SLC2A13: variants seen among roughly 807,000 people sequenced by gnomAD.
SLC2A13 encodes proton myo-inositol cotransporter.
In SLC2A13, 32 loss-of-function variants were observed where a neutral mutation model predicts 64.4. The observed-to-expected ratio is 0.50, with a 90% confidence interval of 0.37 to 0.67. The LOEUF (loss-of-function observed/expected upper bound fraction) is 0.67. Among genes scored for constraint, SLC2A13 ranks in the 30% least tolerant of loss-of-function variants. SLC2A13 has a pLI of 0.00. For synonymous variants in SLC2A13, 338 were observed against 327.1 expected (o/e 1.03, Z -0.36); for missense variants, 743 against 829.2 (o/e 0.90, Z 1.28).
rs953971363 is a variant in SLC2A13, at chr12:40,105,780, T to G, written c.29A>C (p.Glu10Ala). Residue 10 changes from glutamate to alanine, a missense_variant, in exon 1 of 10, where the codon GAG (glutamate) becomes GCG (alanine). Physicochemically the swap from Glu to Ala is moderately radical, Grantham distance 107. Transcript: ENST00000280871. This position sits in a 1 kb window ranked among gnomAD's most constrained non-coding sequence, Gnocchi z 4.2. ...GCTGCTCAGGCTCCGCAGCGTGTAC[T>G]CCACATTCTCGCTTGCCTTGCGGGA... MSRKASENVEYTLRSLSSLM... is the reference protein window; with the variant it reads MSRKASENVAYTLRSLSSLM... 5.4e-6 allele frequency: 8 copies of G among 1,487,122 alleles called. No individual in the cohort carries two copies. The highest frequency in any genetic ancestry group is 7.1e-6 in the Non-Finnish European group (8 of 1,118,888). The allele number at this position is 1,487,122 out of a possible 1,614,324, so 92.1% of individuals were successfully genotyped here. A position where few individuals can be genotyped will look rare whatever the true frequency, so the allele number is the denominator to read the frequency against.
intron 2 of SLC2A13, among the ~76,000 whole-genome samples, chr12:40,034,341 G>A (rs1947946547): frequency 6.6e-6 from 1 of 152,064 alleles, no homozygotes; most frequent in South Asian, 2.1e-4. Context: ...ACTTCATGTT[G>A]TCAAAACTGT....
intron 4 of SLC2A13, among the ~76,000 whole-genome samples, chr12:39,940,266 A>G (rs940817220): frequency 1.3e-5 from 2 of 151,998 alleles, no homozygotes; most frequent in Non-Finnish European, 2.9e-5. Flanking sequence ...AGAGAGTAAA[A>G]CCCCATTCCT....
intron 7 of SLC2A13, among the ~76,000 whole-genome samples, chr12:39,778,407 GA>G (rs1304411370): frequency 2.0e-5 from 3 of 152,090 alleles, no homozygotes; most frequent in Non-Finnish European, 2.9e-5. Flanking sequence ...CTTCCTGGGG[GA>G]AAGTGTCTCA....
rs1939951617 is a variant in SLC2A13 at position 39,755,586 on chromosome 12, G to GA, written c.*4439dup. The GA allele has an allele frequency of 6.6e-6, 1 of 151,978 alleles. No individual in the cohort carries two copies. Among genetic ancestry groups the GA allele is most frequent in the Non-Finnish European group, 1.5e-5 (1 of 67,860 alleles). 9.4% of individuals were successfully genotyped at this position (151,978 alleles called of 1,614,324 possible). ...TCTTTTTTAACCTTTAAATGAGATG[G>GA]AATAATGTTGTTTGCTAAAACTTTA... On this transcript the variant is annotated 3_prime_UTR_variant, in exon 10 of 10. Transcript: ENST00000280871.
intron 3 of SLC2A13, among the ~76,000 whole-genome samples, chr12:40,005,795 C>T (rs550007693): frequency 1.1e-4 from 16 of 152,294 alleles, no homozygotes; most frequent in African/African-American, 3.8e-4. Flanking sequence ...TGAGCAATCA[C>T]AGATTTTGGT....
Position 39,759,082 on chromosome 12 carries a change from A to G in SLC2A13, c.*944T>C, listed in dbSNP as rs769313985. 6.6e-6 allele frequency: 1 copy of G among 152,502 alleles called. No individual in the cohort carries two copies. The highest frequency in any genetic ancestry group is 1.5e-5 in the Non-Finnish European group (1 of 67,898). The allele number at this position is 152,502 out of a possible 1,614,324, so 9.4% of individuals were successfully genotyped here. A position where few individuals can be genotyped will look rare whatever the true frequency, so the allele number is the denominator to read the frequency against. On this transcript the variant is annotated 3_prime_UTR_variant, in exon 10 of 10. Transcript: ENST00000280871. ...TGGTTTGCTTGCAGCTATGTATGTA[A>G]CACAAATGAAGGCACGAAATAGTAG...
chr12:39,984,714 C>T (rs1320708926), intron 3 of SLC2A13, among the ~76,000 whole-genome samples: 1 of 152,140 alleles, frequency 6.6e-6, no homozygotes, highest in Non-Finnish European at 1.5e-5. Flanking sequence ...CAGTTTCTCT[C>T]AGTTAATTTT....
Position 39,859,917 on chromosome 12 carries a change from C to T in SLC2A13, c.1319+4845G>A, listed in dbSNP as rs1592214093. 2.6e-5 allele frequency among the ~76,000 whole-genome samples: 4 copies of T among 152,256 alleles called. No individual in the cohort carries two copies. The South Asian group carries it at 8.3e-4, about 32-fold the overall frequency. ...TACTCAAGCAGAGTCTAAAATATAG[C>T]AAGATCTGTATCAAAGAGGTAATAT... On this transcript the variant is annotated intron_variant, in intron 6 of 9. Coordinates refer to ENST00000280871, the MANE Select transcript of SLC2A13 (RefSeq NM_052885.4).
intron 4 of SLC2A13, among the ~76,000 whole-genome samples, chr12:39,924,509 A>T (rs916182792): frequency 1.3e-5 from 2 of 151,968 alleles, no homozygotes; most frequent in African/African-American, 4.8e-5. Flanking sequence ...TTTTGAGGAC[A>T]GTGATAAGAC....
At chr12:39,995,069 C>T (rs1187326475) in intron 3 of SLC2A13, among the ~76,000 whole-genome samples, 2 of 152,076 alleles carry the variant, frequency 1.3e-5, no homozygotes, top group African/African-American at 4.8e-5. Flanking sequence ...CTGAGTTAAC[C>T]AGTATGAGAA....
chr12:39,937,890 G>T (rs1945943234), intron 4 of SLC2A13, among the ~76,000 whole-genome samples: 1 of 152,114 alleles, frequency 6.6e-6, no homozygotes, highest in Non-Finnish European at 1.5e-5. Context: ...AAGATGAAAA[G>T]AACATATCTA....
intron 6 of SLC2A13, among the ~76,000 whole-genome samples, chr12:39,862,094 C>T (rs1258352618): frequency 6.6e-6 from 1 of 152,156 alleles, no homozygotes; most frequent in Non-Finnish European, 1.5e-5. Context: ...TCCCTATGTT[C>T]TCATTGTTCT....
At chr12:39,777,469 G>A (rs1243549585) in intron 7 of SLC2A13, among the ~76,000 whole-genome samples, 1 of 152,216 alleles carries the variant, frequency 6.6e-6, no homozygotes, top group East Asian at 1.9e-4. Context: ...GGAAGTGCTA[G>A]GTAGAGGAGG....
At chr12:40,018,398 A>C (rs1359665049) in intron 3 of SLC2A13, among the ~76,000 whole-genome samples, 1 of 152,218 alleles carries the variant, frequency 6.6e-6, no homozygotes, top group African/African-American at 2.4e-5. Flanking sequence ...AACAGCCTCC[A>C]AATGCTTATA....
intron 6 of SLC2A13, among the ~76,000 whole-genome samples, chr12:39,848,752 CA>C (rs1457410868): frequency 2.6e-5 from 4 of 152,264 alleles, no homozygotes; most frequent in African/African-American, 9.6e-5. Flanking sequence ...TCCACAATAG[CA>C]AAGACATGGA....
At chr12:40,098,988 G>A (rs1043282471) in intron 1 of SLC2A13, among the ~76,000 whole-genome samples, 10 of 152,206 alleles carry the variant, frequency 6.6e-5, no homozygotes, top group African/African-American at 2.4e-4. Context: ...AGCTGTCACG[G>A]TGCTTGGCCC....
chr12:40,038,967 A>G (rs1276477425), intron 2 of SLC2A13, among the ~76,000 whole-genome samples: 1 of 151,752 alleles, frequency 6.6e-6, no homozygotes, highest in Non-Finnish European at 1.5e-5. Flanking sequence ...ATATAAGCTC[A>G]ATTTGCCCAT....
intron 4 of SLC2A13, among the ~76,000 whole-genome samples, chr12:39,893,141 C>A (rs979905022): frequency 6.6e-6 from 1 of 152,038 alleles, no homozygotes; most frequent in African/African-American, 2.4e-5. Flanking sequence ...TGAGAGTTAT[C>A]AAAAATAAGA....
chr12:39,783,524 C>T (rs1941074546), intron 7 of SLC2A13, among the ~76,000 whole-genome samples: 1 of 152,188 alleles, frequency 6.6e-6, no homozygotes. Flanking sequence ...ACATCCTCTC[C>T]AGCACCTGTT....
Sources: gnomAD v4.1 joint callset for allele counts (sites outside exome capture counted in the v4.1 genomes callset) on GRCh38, gnomAD v4.1.1 for gene constraint, Gnocchi (gnomAD v3.1) non-coding constraint, MANE v1.5 for transcripts, NCBI Gene and HGNC (gene_info 2026-07-23, HGNC 2026-07-21) for gene names.